Variants in HECTD4 observed in about 807,000 individuals in gnomAD.
HECTD4 encodes probable E3 ubiquitin-protein ligase HECTD4.
Under a neutral mutation model 471.5 loss-of-function variants are expected in HECTD4, and 114 were observed. The ratio of observed to expected loss-of-function variants is 0.24; its 90% confidence interval spans 0.21 to 0.28. HECTD4 has a LOEUF of 0.28. Among genes scored for constraint, HECTD4 ranks in the 10% least tolerant of loss-of-function variants. HECTD4 has a pLI of 1.00. For missense variants in HECTD4, 3,866 were observed against 5,651.5 expected, an observed-to-expected ratio of 0.68 and a Z score of 10.13; for synonymous variants, 2,012 against 2,256.0, an observed-to-expected ratio of 0.89 and a Z score of 3.07.
In HECTD4 at chr12:112,184,023, C is replaced by T. The variant is rs1031349483; in HGVS notation, c.10779+164G>A. Among the ~76,000 whole-genome samples the T allele has an allele frequency of 1.3e-5, 2 of 152,204 alleles. No individual in the cohort carries two copies. Among genetic ancestry groups the T allele is most frequent in the African/African-American group, 2.4e-5 (1 of 41,448 alleles). ...TATGGGACTTGGTGTCACTCAGAGA[C>T]GTTACCCCAAGCAGCCTCACTGTGC... On this transcript the variant is annotated intron_variant, in intron 61 of 75. Coordinates refer to ENST00000682272, the MANE Select transcript of HECTD4 (RefSeq NM_001388303.1). The surrounding 1 kb of genome is among the most constrained non-coding windows in gnomAD (Gnocchi z 9.1).
At chr12:112,378,898 T>C (rs2036834654) in intron 1 of HECTD4, among the ~76,000 whole-genome samples, 1 of 151,964 alleles carries the variant, frequency 6.6e-6, no homozygotes, top group Admixed American at 6.6e-5. Context: ...AAAAATTAGC[T>C]GGGTGTGGCG....
At chr12:112,379,685 C>A (rs548262371) in intron 1 of HECTD4, among the ~76,000 whole-genome samples, 1 of 151,316 alleles carries the variant, frequency 6.6e-6, no homozygotes, top group South Asian at 2.1e-4. Flanking sequence ...CAGAGAGAGA[C>A]CCTGTCTCAA....
Position 112,165,573 on chromosome 12 carries a change from A to C in HECTD4, c.12535-1298T>G, listed in dbSNP as rs547179741. Among the ~76,000 whole-genome samples the C allele has an allele frequency of 6.0e-5, 9 of 150,866 alleles. No individual in the cohort carries two copies. The South Asian group carries it at 6.3e-4, about 11-fold the overall frequency. ...TCACTGTGTTAGCCAGGATGGTCTC[A>C]ATCTCCTGACCTCGTGATCTGCCCA... is the stretch of plus-strand genomic sequence containing the variant. On this transcript the variant is annotated intron_variant, in intron 72 of 75. Transcript: ENST00000682272.
At chr12:112,245,854 G>A (rs183637531) in intron 29 of HECTD4, among the ~76,000 whole-genome samples, 3 of 152,148 alleles carry the variant, frequency 2.0e-5, no homozygotes, top group Non-Finnish European at 4.4e-5. Flanking sequence ...GACCTAGGCC[G>A]GGCGTGGTGG....
intron 1 of HECTD4, among the ~76,000 whole-genome samples, chr12:112,357,459 G>A (rs1294666002): frequency 1.3e-5 from 2 of 152,132 alleles, no homozygotes; most frequent in African/African-American, 4.8e-5. Context: ...AGTCTGGGAG[G>A]TTGAGGTTGC....
At chr12:112,361,443 A>T (rs970247516) in intron 1 of HECTD4, among the ~76,000 whole-genome samples, 5 of 151,124 alleles carry the variant, frequency 3.3e-5, no homozygotes, top group African/African-American at 4.9e-5. Context: ...CTAATTTTCT[A>T]ATTTTATTTT....
rs758273849 is a variant in HECTD4, at chr12:112,262,515, C to CAAAAAAAAAAAAAA, written c.2749-1100_2749-1087dup. 3.5e-4 allele frequency among the ~76,000 whole-genome samples: 7 copies of CAAAAAAAAAAAAAA among 19,760 alleles called. 2 individuals carry two copies. Among genetic ancestry groups the CAAAAAAAAAAAAAA allele is most frequent in the African/African-American group, 8.5e-4 (6 of 7,030 alleles). The allele number at this position is 19,760 out of a possible 152,430, so 13.0% of individuals were successfully genotyped here. On this transcript the variant is annotated intron_variant, in intron 17 of 75. Coordinates refer to ENST00000682272, the MANE Select transcript of HECTD4 (RefSeq NM_001388303.1). ...TGGGCGACAAAGAGAGACTCCATCT[C>CAAAAAAAAAAAAAA]AAAAAAAAAAAAAAAAAAAAAAAAA...
chr12:112,193,474 G>A lies in HECTD4; in HGVS notation c.8950C>T (p.Leu2984=). ...LELTKQICSF[L]QTAPEQFPSE... is the part of the protein sequence containing the mutation. ...CATGAGCTTTAGACTTCTACCTGCA[G>A]GAAAGAGCAGATCTGTTTCGTCAGC... The change falls in exon 57 of 76, where the codon CTG becomes TTG. Residue 2984 remains leucine (L), a synonymous_variant. Coordinates refer to ENST00000682272, the MANE Select transcript of HECTD4 (RefSeq NM_001388303.1). The surrounding 1 kb of genome is among the most constrained non-coding windows in gnomAD (Gnocchi z 5.2). The A allele has an allele frequency of 6.2e-7, 1 of 1,607,254 alleles. No homozygotes were observed. The highest frequency in any genetic ancestry group is 1.7e-4 in the Middle Eastern group (1 of 6,050).
At chr12:112,344,654 C>CACA (rs1485663446) in intron 1 of HECTD4, among the ~76,000 whole-genome samples, 1 of 152,214 alleles carries the variant, frequency 6.6e-6, no homozygotes, top group Non-Finnish European at 1.5e-5. Flanking sequence ...TGTGGTAGCT[C>CACA]ACACCTGTAA....
At chr12:112,224,946 G>T (rs1268522846) in intron 44 of HECTD4, among the ~76,000 whole-genome samples, 1 of 152,098 alleles carries the variant, frequency 6.6e-6, no homozygotes, top group Non-Finnish European at 1.5e-5. Context: ...TGCAATCTAA[G>T]CCAACAATAT....
intron 32 of HECTD4, 127 bp from the exon 33 acceptor site, chr12:112,240,154 A>C: frequency 2.0e-6 from 2 of 993,874 alleles, no homozygotes. Flanking sequence ...CTTGGAGAAC[A>C]TCCAGCTCAG....
At chr12:112,260,718 A>T (rs1008212734) in intron 18 of HECTD4, among the ~76,000 whole-genome samples, 4 of 150,534 alleles carry the variant, frequency 2.7e-5, no homozygotes, top group Non-Finnish European at 5.9e-5. Flanking sequence ...CTGGGACTAC[A>T]GGTGCCTGCC....
intron 52 of HECTD4, among the ~76,000 whole-genome samples, chr12:112,206,659 T>C (rs1310095574): frequency 4.6e-5 from 7 of 151,472 alleles, no homozygotes; most frequent in Admixed American, 4.0e-4. Flanking sequence ...GCCTCAGCCT[T>C]CCGAGTAACT....
chr12:112,265,296 C>A lies in HECTD4; in HGVS notation c.2499-1G>T. 6.5e-7 allele frequency: 1 copy of A among 1,537,870 alleles called. No homozygotes were observed. Among genetic ancestry groups the A allele is most frequent in the Non-Finnish European group, 8.8e-7 (1 of 1,131,210 alleles). ...GTAGTGTAAAAGTTCATCATTTAGTCTTTAAAATGCAGGAAAAATGTAACA... is the reference window on the plus strand; with the variant it reads ...GTAGTGTAAAAGTTCATCATTTAGTATTTAAAATGCAGGAAAAATGTAACA... On this transcript the variant is annotated splice_acceptor_variant, in intron 15 of 75. Coordinates refer to ENST00000682272, the MANE Select transcript of HECTD4 (RefSeq NM_001388303.1). LOFTEE classifies it high-confidence loss of function.
rs1345487900 is a variant in HECTD4, at chr12:112,226,623, A to T, written c.6970+20T>A. On this transcript the variant is annotated intron_variant, in intron 44 of 75. Coordinates refer to ENST00000682272, the MANE Select transcript of HECTD4 (RefSeq NM_001388303.1). ...GAAAATTCAATAAAACAGGGTGGTA[A>T]GGCAAGTTCAGGTACTCACCAGCAC... The T allele has an allele frequency of 8.6e-6, 13 of 1,505,820 alleles. No individual in the cohort carries two copies. The highest frequency in any genetic ancestry group is 1.1e-5 in the Non-Finnish European group (12 of 1,091,790). 93.3% of individuals were successfully genotyped at this position (1,505,820 alleles called of 1,614,324 possible).
At chr12:112,311,632 A>G (rs2035373567) in intron 4 of HECTD4, among the ~76,000 whole-genome samples, 2 of 151,194 alleles carry the variant, frequency 1.3e-5, no homozygotes, top group Non-Finnish European at 1.5e-5. Context: ...AAAAAAAAAA[A>G]AAAGAAAAGA....
At chr12:112,192,272 T>C (rs2032105276) in intron 59 of HECTD4, among the ~76,000 whole-genome samples, 1 of 152,212 alleles carries the variant, frequency 6.6e-6, no homozygotes, top group Non-Finnish European at 1.5e-5. Context: ...TTGCTCTGGT[T>C]GTATCATTCT....
chr12:112,279,475 A>G, intron 8 of HECTD4, 89 bp from the exon 9 acceptor site: 1 of 1,099,684 alleles, frequency 9.1e-7, no homozygotes, highest in Non-Finnish European at 1.3e-6. Context: ...AATGAGGGAG[A>G]CCCAAACTCA....
At chr12:112,282,337 C>G (rs1288356193) in intron 8 of HECTD4, among the ~76,000 whole-genome samples, 1 of 151,840 alleles carries the variant, frequency 6.6e-6, no homozygotes, top group African/African-American at 2.4e-5. Flanking sequence ...GAGCTGAGAT[C>G]GCGCCACTGC....
Sources: gnomAD v4.1 joint callset for allele counts (sites outside exome capture counted in the v4.1 genomes callset) on GRCh38, gnomAD v4.1.1 for gene constraint, Gnocchi (gnomAD v3.1) non-coding constraint, MANE v1.5 for transcripts, NCBI Gene and HGNC (gene_info 2026-07-23, HGNC 2026-07-21) for gene names.